UMAD1: variants seen among roughly 807,000 people sequenced by gnomAD.
UMAD1 encodes the protein UBAP1-MVB12-associated (UMA)-domain containing protein 1.
Under a neutral mutation model 6.1 loss-of-function variants are expected in UMAD1, and 8 were observed. The observed-to-expected ratio is 1.30, with a 90% CI of 0.76 to 2.35. The LOEUF is 2.35. Ranked by LOEUF, UMAD1 falls within the 30% of genes most tolerant of loss-of-function variation. The pLI, the probability that UMAD1 is intolerant of heterozygous loss-of-function variation, is 0.00. For synonymous variants in UMAD1, 56 were observed against 31.4 expected, an observed-to-expected ratio of 1.78 and a Z score of -2.61; for missense variants, 130 against 78.4, an observed-to-expected ratio of 1.66 and a Z score of -2.49.
chr7:7,818,804 T>C (rs959108690), intron 3 of UMAD1, among the ~76,000 whole-genome samples: 1 of 152,158 alleles, frequency 6.6e-6, no homozygotes, highest in African/African-American at 2.4e-5. Context: ...AACATGCTAA[T>C]TTTTGTATTT....
chr7:7,645,710 T>C (rs1395389464), intron 1 of UMAD1, among the ~76,000 whole-genome samples: 1 of 152,218 alleles, frequency 6.6e-6, no homozygotes, highest in East Asian at 1.9e-4. Flanking sequence ...GAAATGAGTA[T>C]GTATTTTTCA....
At chr7:7,842,120 T>C (rs1783692840) in intron 3 of UMAD1, among the ~76,000 whole-genome samples, 1 of 152,238 alleles carries the variant, frequency 6.6e-6, no homozygotes, top group Non-Finnish European at 1.5e-5. Context: ...TCATTTTTGA[T>C]ACTTTCAGCA....
chr7:7,808,552 A>C (rs1032113832), intron 3 of UMAD1, among the ~76,000 whole-genome samples: 3 of 152,018 alleles, frequency 2.0e-5, no homozygotes, highest in African/African-American at 7.2e-5. Context: ...TAATATAACT[A>C]TGTCTAATTT....
At chr7:7,718,170 A>G (rs1189353409) in intron 2 of UMAD1, among the ~76,000 whole-genome samples, 1 of 152,242 alleles carries the variant, frequency 6.6e-6, no homozygotes, top group Non-Finnish European at 1.5e-5. Flanking sequence ...AAGAAATTGC[A>G]GAACTTGAGT....
intron 2 of UMAD1, among the ~76,000 whole-genome samples, chr7:7,676,485 A>G (rs1458427905): frequency 6.6e-6 from 1 of 152,150 alleles, no homozygotes; most frequent in African/African-American, 2.4e-5. Context: ...ATCTTTTTGT[A>G]AAAAAAGTTA....
At chr7:7,806,471 G>T (rs1280775908) in intron 3 of UMAD1, among the ~76,000 whole-genome samples, 1 of 152,128 alleles carries the variant, frequency 6.6e-6, no homozygotes, top group Admixed American at 6.5e-5. Flanking sequence ...TATGACCTCA[G>T]CAACTATCAC....
chr7:7,873,651 G>A (rs997274431), intron 3 of UMAD1, among the ~76,000 whole-genome samples: 3 of 152,088 alleles, frequency 2.0e-5, no homozygotes, highest in South Asian at 2.1e-4. Context: ...TTACTAATTC[G>A]AGGTCATCCA....
intron 3 of UMAD1, among the ~76,000 whole-genome samples, chr7:7,817,827 T>G (rs1170854095): frequency 6.6e-6 from 1 of 152,120 alleles, no homozygotes; most frequent in South Asian, 2.1e-4. Context: ...CACCCCCTTT[T>G]CTTTGAGACA....
At chr7:7,785,849 T>G (rs1005563263) in intron 2 of UMAD1, among the ~76,000 whole-genome samples, 2 of 152,196 alleles carry the variant, frequency 1.3e-5, no homozygotes, top group African/African-American at 2.4e-5. Flanking sequence ...GGGTAAAGGA[T>G]TAGTTCCATT....
rs1782260603 is a variant in UMAD1, at chr7:7,778,227, TG to T, written c.83-23442del. On this transcript the variant is annotated intron_variant, in intron 2 of 3. Coordinates refer to ENST00000682710, the MANE Select transcript of UMAD1 (RefSeq NM_001302348.2). ...ATCTTGGCTTCTCCAAAACTGGTTT[TG>T]TGTGTGTGTGTGTGTGTGTGTGTGT... Among the ~76,000 whole-genome samples the T allele has an allele frequency of 4.3e-4, 10 of 23,356 alleles. No homozygotes were observed. In the Admixed American group the frequency reaches 4.6e-3, roughly 11 times the overall value. 15.3% of individuals were successfully genotyped at this position (23,356 alleles called of 152,430 possible).
At chr7:7,741,654 C>G (rs996612336) in intron 2 of UMAD1, among the ~76,000 whole-genome samples, 1 of 150,350 alleles carries the variant, frequency 6.7e-6, no homozygotes, top group African/African-American at 2.4e-5. Flanking sequence ...TTAGTTGAAA[C>G]ATGATTAGAA....
Position 7,777,310 on chromosome 7 carries a change from G to T in UMAD1, c.83-24360G>T, listed in dbSNP as rs969519727. 7.3e-5 allele frequency among the ~76,000 whole-genome samples: 11 copies of T among 151,376 alleles called. No homozygotes were observed. In the East Asian group the frequency reaches 7.8e-4, roughly 11 times the overall value. On this transcript the variant is annotated intron_variant, in intron 2 of 3. Transcript: ENST00000682710. ...TCACAAGGCCAGGAGTTCAAGACCA[G>T]CCTGGCCAACATGGTGAAACCCTAT...
chr7:7,769,511 G>A (rs6955585), intron 2 of UMAD1, among the ~76,000 whole-genome samples: 31,837 of 151,988 alleles, frequency 0.21, 3,613 homozygotes, highest in East Asian at 0.37. Flanking sequence ...GGCGTTTGCT[G>A]CATATCATAT....
chr7:7,843,928 A>G (rs1583866886), intron 3 of UMAD1, among the ~76,000 whole-genome samples: 1 of 152,154 alleles, frequency 6.6e-6, no homozygotes, highest in Non-Finnish European at 1.5e-5. Flanking sequence ...CTTGCCTGCC[A>G]TGCTATATGT....
At chr7:7,864,286 A>G (rs1784182579) in intron 3 of UMAD1, among the ~76,000 whole-genome samples, 1 of 152,196 alleles carries the variant, frequency 6.6e-6, no homozygotes, top group South Asian at 2.1e-4. Context: ...AGATCAAAAC[A>G]CTTCTAATAG....
intron 2 of UMAD1, among the ~76,000 whole-genome samples, chr7:7,756,605 G>C (rs1282541822): frequency 6.6e-6 from 1 of 152,056 alleles, no homozygotes; most frequent in Admixed American, 6.6e-5. Flanking sequence ...TGAATGTGCT[G>C]GTCACTATTG....
At chr7:7,856,912 T>C (rs1187831093) in intron 3 of UMAD1, among the ~76,000 whole-genome samples, 1 of 152,042 alleles carries the variant, frequency 6.6e-6, no homozygotes, top group Non-Finnish European at 1.5e-5. Context: ...CAGAATAGTT[T>C]TTATGTTTCC....
chr7:7,670,120 G>A (rs964715557), intron 1 of UMAD1, among the ~76,000 whole-genome samples: 2 of 152,146 alleles, frequency 1.3e-5, no homozygotes, highest in South Asian at 2.1e-4. Flanking sequence ...CAATACTTGG[G>A]TTAAAAACAG....
chr7:7,822,057 G>A (rs1006120992), intron 3 of UMAD1, among the ~76,000 whole-genome samples: 2 of 152,040 alleles, frequency 1.3e-5, no homozygotes, highest in African/African-American at 4.8e-5. Flanking sequence ...ATCAGCCAAA[G>A]CAAAACCTAC....
Sources: gnomAD v4.1 joint callset for allele counts (sites outside exome capture counted in the v4.1 genomes callset) on GRCh38, gnomAD v4.1.1 for gene constraint, MANE v1.5 for transcripts, NCBI Gene and HGNC (gene_info 2026-07-23, HGNC 2026-07-21) for gene names.